Variants in PDE4D observed in about 807,000 individuals in gnomAD.
PDE4D encodes 3',5'-cyclic-AMP phosphodiesterase 4D.
In PDE4D, 24 loss-of-function variants were observed where a neutral mutation model predicts 87.4. The ratio of observed to expected loss-of-function variants is 0.27; its 90% CI spans 0.20 to 0.39. The LOEUF is 0.39. PDE4D is among the 10% of genes least tolerant of loss of function. PDE4D has a pLI of 1.00. For missense variants in PDE4D, 714 were observed against 1,041.0 expected, an observed-to-expected ratio of 0.69 and a Z score of 4.32; for synonymous variants, 384 against 383.2, an observed-to-expected ratio of 1.00 and a Z score of -0.02.
At chr5:59,491,021 C>A (rs1806091196) in intron 1 of PDE4D, among the ~76,000 whole-genome samples, 1 of 152,200 alleles carries the variant, frequency 6.6e-6, no homozygotes, top group Non-Finnish European at 1.5e-5. Context: ...TCTGAACCTA[C>A]CTTTCCTCAG....
At chr5:59,428,247 A>T (rs898641092) in intron 1 of PDE4D, among the ~76,000 whole-genome samples, 1 of 152,192 alleles carries the variant, frequency 6.6e-6, no homozygotes. Flanking sequence ...AAATCGAGCT[A>T]TGTTTTGCAC....
chr5:59,643,233 C>T (rs956063833), intron 1 of PDE4D, among the ~76,000 whole-genome samples: 1 of 152,104 alleles, frequency 6.6e-6, no homozygotes, highest in Non-Finnish European at 1.5e-5. Context: ...ACTGCCTGAC[C>T]TGAAAGTCTC....
chr5:59,213,648 G>T, intron 2 of PDE4D, among the ~76,000 whole-genome samples: 1 of 152,046 alleles, frequency 6.6e-6, no homozygotes, highest in Non-Finnish European at 1.5e-5. Context: ...CTTTTAAAGA[G>T]ATGCCTGCAT....
At chr5:59,943,554 T>C (rs995442794) in intron 3 of PDE4D, among the ~76,000 whole-genome samples, 19 of 152,314 alleles carry the variant, frequency 1.2e-4, no homozygotes, top group Admixed American at 3.9e-4. Context: ...TCAGTACCAT[T>C]TGTAGCCATT....
chr5:59,590,936 C>G (rs1444722025), intron 1 of PDE4D, among the ~76,000 whole-genome samples: 1 of 152,084 alleles, frequency 6.6e-6, no homozygotes, highest in African/African-American at 2.4e-5. Context: ...CAATAAAACC[C>G]TTTTCTCTCA....
rs565634126 is a variant in PDE4D, at chr5:59,377,982, A to T, written c.456-162014T>A. Among the ~76,000 whole-genome samples the T allele has an allele frequency of 2.0e-5, 3 of 152,364 alleles. No individual in the cohort carries two copies. In the South Asian group the frequency reaches 6.2e-4, roughly 32 times the overall value. ...CTATTATAATGACACAGGCATGTGTATGATCATTGCAGCACTATTCACAAT... is the reference window on the plus strand; with the variant it reads ...CTATTATAATGACACAGGCATGTGTTTGATCATTGCAGCACTATTCACAAT... On this transcript the variant is annotated intron_variant, in intron 1 of 14. Transcript: ENST00000340635.
intron 6 of PDE4D, among the ~76,000 whole-genome samples, chr5:59,025,936 C>G (rs748454504): frequency 4.6e-5 from 7 of 152,214 alleles, no homozygotes; most frequent in African/African-American, 1.4e-4. Context: ...GTAATAAAAG[C>G]CAGAGGCTGT....
intron 1 of PDE4D, among the ~76,000 whole-genome samples, chr5:60,241,939 G>T (rs1747176754): frequency 6.6e-6 from 1 of 152,102 alleles, no homozygotes; most frequent in African/African-American, 2.4e-5. Context: ...ACACAATGGA[G>T]CTCCAATATG....
At chr5:59,273,027 T>C (rs1336072460) in intron 1 of PDE4D, among the ~76,000 whole-genome samples, 2 of 152,154 alleles carry the variant, frequency 1.3e-5, no homozygotes, top group Non-Finnish European at 2.9e-5. Flanking sequence ...GAACACAAAA[T>C]AGATTTATGT....
At chr5:60,297,387 C>A (rs1381967976) in intron 1 of PDE4D, among the ~76,000 whole-genome samples, 2 of 152,016 alleles carry the variant, frequency 1.3e-5, no homozygotes, top group African/African-American at 2.4e-5. Context: ...GGATAATTTT[C>A]TAAGATCCAC....
intron 1 of PDE4D, among the ~76,000 whole-genome samples, chr5:59,737,497 G>A (rs542637400): frequency 6.6e-6 from 1 of 152,052 alleles, no homozygotes; most frequent in South Asian, 2.1e-4. Context: ...TATAAAGAAA[G>A]AGTTGACATA....
At chr5:59,787,460 T>A (rs1013783314) in intron 1 of PDE4D, among the ~76,000 whole-genome samples, 8 of 152,218 alleles carry the variant, frequency 5.3e-5, no homozygotes, top group Non-Finnish European at 8.8e-5. Context: ...ACACCCTTTG[T>A]CACTTGTATT....
Position 58,969,361 on chromosome 5 carries a change from G to C in PDE4D, c.*5303C>G, listed in dbSNP as rs1742207295. 1 of 152,232 alleles carries C rather than the reference G, an allele frequency of 6.6e-6. No homozygotes were observed. Among genetic ancestry groups the C allele is most frequent in the African/African-American group, 2.4e-5 (1 of 41,462 alleles). The allele number at this position is 152,232 out of a possible 1,614,324, so 9.4% of individuals were successfully genotyped here. A position where few individuals can be genotyped will look rare whatever the true frequency, so the allele number is the denominator to read the frequency against. ...CAGGATGGTTAGCAATGGCTCTGCGGCTCCAGGCCCTGCCTACTCTCTCAC... is the reference window on the plus strand; with the variant it reads ...CAGGATGGTTAGCAATGGCTCTGCGCCTCCAGGCCCTGCCTACTCTCTCAC... On this transcript the variant is annotated 3_prime_UTR_variant, in exon 15 of 15. Transcript: ENST00000340635.
chr5:59,779,174 A>AT (rs1039483859), intron 1 of PDE4D, among the ~76,000 whole-genome samples: 6 of 151,716 alleles, frequency 4.0e-5, no homozygotes, highest in African/African-American at 1.5e-4. Flanking sequence ...AAAAAAAAAA[A>AT]AGAAAGAAAT....
intron 1 of PDE4D, among the ~76,000 whole-genome samples, chr5:60,196,915 CTACAAATCATTAAT>C (rs757805628): frequency 1.4e-4 from 21 of 151,420 alleles, no homozygotes; most frequent in Admixed American, 8.6e-4. Context: ...AGACTGCTGT[CTACAAATCATTAAT>C]TACAAATCAT....
chr5:60,394,463 G>T (rs1055411839), intron 1 of PDE4D, among the ~76,000 whole-genome samples: 3 of 152,084 alleles, frequency 2.0e-5, no homozygotes. Context: ...TTGAACTCGA[G>T]GTTTGATATG....
At chr5:59,569,468 AAAAGAG>A (rs1821467205) in intron 1 of PDE4D, among the ~76,000 whole-genome samples, 2 of 152,314 alleles carry the variant, frequency 1.3e-5, no homozygotes, top group Admixed American at 1.3e-4. Context: ...CACCAAACAA[AAAAGAG>A]AAAAATTTCA....
At chr5:60,146,198 A>T (rs1339632797) in intron 2 of PDE4D, among the ~76,000 whole-genome samples, 2 of 152,228 alleles carry the variant, frequency 1.3e-5, no homozygotes, top group Admixed American at 1.3e-4. Flanking sequence ...TGGGCAACAA[A>T]GTGAGACTCC....
intron 1 of PDE4D, among the ~76,000 whole-genome samples, chr5:60,194,884 A>G (rs1400161873): frequency 6.6e-6 from 1 of 151,646 alleles, no homozygotes; most frequent in Non-Finnish European, 1.5e-5. Flanking sequence ...CCTATCCCCT[A>G]CAGCATAAAG....
Sources: gnomAD v4.1 joint callset for allele counts (sites outside exome capture counted in the v4.1 genomes callset) on GRCh38, gnomAD v4.1.1 for gene constraint, MANE v1.5 for transcripts, NCBI Gene and HGNC (gene_info 2026-07-23, HGNC 2026-07-21) for gene names.